Variants in FMN2 observed in about 807,000 individuals in gnomAD.
The protein encoded by FMN2 is formin 2, also known as formin-2.
Under a neutral mutation model 142.3 loss-of-function variants are expected in FMN2, and 51 were observed. The observed-to-expected ratio is 0.36, with a 90% CI of 0.29 to 0.45. The LOEUF is 0.45. Ranked by LOEUF, FMN2 falls within the 20% of genes least tolerant of loss-of-function variation. FMN2 has a pLI of 1.00. For missense variants in FMN2, 1,936 were observed against 2,122.8 expected, an observed-to-expected ratio of 0.91 and a Z score of 1.73; for synonymous variants, 882 against 869.8, an observed-to-expected ratio of 1.01 and a Z score of -0.25.
At chr1:240,427,725 G>A (rs1045449999) in intron 15 of FMN2, among the ~76,000 whole-genome samples, 5 of 151,996 alleles carry the variant, frequency 3.3e-5, no homozygotes, top group African/African-American at 9.7e-5. Context: ...AGTTTCACAC[G>A]ATCCTCTGTC....
At chr1:240,314,501 G>C (rs1460184423) in intron 8 of FMN2, among the ~76,000 whole-genome samples, 1 of 152,164 alleles carries the variant, frequency 6.6e-6, no homozygotes, top group Admixed American at 6.5e-5. Flanking sequence ...TAAAAAGAGA[G>C]AGGAAAGAGG....
chr1:240,226,631 A>T (rs533935239), intron 6 of FMN2, among the ~76,000 whole-genome samples: 1 of 152,214 alleles, frequency 6.6e-6, no homozygotes, highest in Admixed American at 6.5e-5. Context: ...AAAACATAGT[A>T]TAATTACATA....
chr1:240,144,617 C>A, intron 2 of FMN2: 3 of 1,296,750 alleles, frequency 2.3e-6, no homozygotes, highest in Non-Finnish European at 3.4e-6. Context: ...TCAGAACACA[C>A]CCAGGGCACA....
intron 8 of FMN2, among the ~76,000 whole-genome samples, chr1:240,307,852 C>A (rs1403534724): frequency 6.6e-6 from 1 of 152,094 alleles, no homozygotes; most frequent in Non-Finnish European, 1.5e-5. Flanking sequence ...TAATGATATT[C>A]TTCCAACCCA....
chr1:240,115,799 A>G (rs370554874), intron 1 of FMN2, among the ~76,000 whole-genome samples: 2 of 152,222 alleles, frequency 1.3e-5, no homozygotes, highest in Middle Eastern at 3.2e-3. Context: ...TAAGAAAGTA[A>G]AAGAATAAAA....
At chr1:240,240,948 T>A (rs1490017076) in intron 6 of FMN2, among the ~76,000 whole-genome samples, 1 of 152,246 alleles carries the variant, frequency 6.6e-6, no homozygotes, top group Non-Finnish European at 1.5e-5. Flanking sequence ...ATTGTAATGT[T>A]ATTTTAATTT....
At chr1:240,242,091 T>G (rs555335393) in intron 6 of FMN2, among the ~76,000 whole-genome samples, 126 of 152,244 alleles carry the variant, frequency 8.3e-4, no homozygotes, top group African/African-American at 3.0e-3. Context: ...GTGATCCGCC[T>G]GCCTCGGCCT....
chr1:240,183,238 T>C (rs1487005505), intron 3 of FMN2, among the ~76,000 whole-genome samples: 1 of 151,872 alleles, frequency 6.6e-6, no homozygotes, highest in Non-Finnish European at 1.5e-5. Flanking sequence ...TTTGTTCAAA[T>C]GTTTTAACAT....
At position 240,123,339 on chromosome 1, in the gene FMN2, G is replaced by A. The variant is rs766920101; in HGVS notation, c.1776G>A (p.Ser592=). 3.7e-6 allele frequency: 6 copies of A among 1,613,578 alleles called. No homozygotes were observed. In the South Asian group the frequency reaches 6.6e-5, roughly 18 times the overall value. ...AGAATGCCCAGACGAATGCAGCTTC[G>A]TTTGATGTAAGTAGGAGAATTCACT... ...CNQNAQTNAA[S]FDQDQLYTWA... is the part of the protein sequence containing the mutation. The change falls in exon 2 of 18, where the codon TCG becomes TCA. Residue 592 remains serine (S), a synonymous_variant. Coordinates refer to ENST00000319653, the MANE Select transcript of FMN2 (RefSeq NM_020066.5).
At chr1:240,118,688 G>A (rs976095257) in intron 1 of FMN2, among the ~76,000 whole-genome samples, 3 of 152,118 alleles carry the variant, frequency 2.0e-5, no homozygotes, top group African/African-American at 7.2e-5. Flanking sequence ...GTTTTGTGGT[G>A]GAGAAAATGT....
At chr1:240,271,417 A>ATTTTT (rs199805120) in intron 7 of FMN2, among the ~76,000 whole-genome samples, 1 of 139,066 alleles carries the variant, frequency 7.2e-6, no homozygotes, top group Non-Finnish European at 1.6e-5. Context: ...TCAGTGTCTG[A>ATTTTT]TTTTTTTTTT....
At chr1:240,282,763 C>T (rs968453714) in intron 7 of FMN2, among the ~76,000 whole-genome samples, 1 of 152,118 alleles carries the variant, frequency 6.6e-6, no homozygotes, top group African/African-American at 2.4e-5. Context: ...GTAAAATGTT[C>T]CGATGAATAT....
chr1:240,143,433 C>T (rs1382654992), intron 2 of FMN2: 3 of 1,446,308 alleles, frequency 2.1e-6, no homozygotes, highest in African/African-American at 2.8e-5. Flanking sequence ...CAGCCACTCC[C>T]TGATGTGCTC....
At position 240,144,166 on chromosome 1, in the gene FMN2, G is replaced by T. The variant is rs1432862372; in HGVS notation, c.1782+20821G>T. On this transcript the variant is annotated intron_variant, in intron 2 of 17. Coordinates refer to ENST00000319653, the MANE Select transcript of FMN2 (RefSeq NM_020066.5). ...GATGCAGCTGCACTCAACATTCCGTGGTCCTTGTTCTTGTAAAGCCATTTG... is the reference window on the plus strand; with the variant it reads ...GATGCAGCTGCACTCAACATTCCGTTGTCCTTGTTCTTGTAAAGCCATTTG... 3.5e-6 allele frequency: 5 copies of T among 1,413,698 alleles called. No individual in the cohort carries two copies. The Admixed American group carries it at 8.4e-5, about 24-fold the overall frequency. The allele number at this position is 1,413,698 out of a possible 1,614,324, so 87.6% of individuals were successfully genotyped here. A position where few individuals can be genotyped will look rare whatever the true frequency, so the allele number is the denominator to read the frequency against.
rs190706068 is a variant in FMN2, at chr1:240,213,988, A to T, written c.4065+2753A>T. Reference sequence around the variant, plus strand: ...CTGATAGAAATGAAGAATATCTTGTATTTCCAAATCCTTTTTTCTCCAAAG... The same window carrying T: ...CTGATAGAAATGAAGAATATCTTGTTTTTCCAAATCCTTTTTTCTCCAAAG... On this transcript the variant is annotated intron_variant, in intron 6 of 17. Transcript: ENST00000319653. Among the ~76,000 whole-genome samples the T allele has an allele frequency of 2.7e-3, 413 of 152,326 alleles. 3 individuals carry two copies. In the South Asian group the frequency reaches 0.027, roughly 10 times the overall value.
In FMN2 at chr1:240,095,269, A is replaced by G. The variant is rs150445376; in HGVS notation, c.1615+1545A>G. ...GTGAAAATAATTCACCATAATGATT[A>G]TCAATCATTAATATTAATGATAGCT... On this transcript the variant is annotated intron_variant, in intron 1 of 17. Coordinates refer to ENST00000319653, the MANE Select transcript of FMN2 (RefSeq NM_020066.5). 4.4e-3 allele frequency among the ~76,000 whole-genome samples: 672 copies of G among 152,330 alleles called. 7 individuals carry two copies. Among genetic ancestry groups the G allele is most frequent in the Non-Finnish European group, 4.9e-3 (330 of 68,036 alleles).
chr1:240,170,032 C>T, intron 2 of FMN2: 2 of 564,182 alleles, frequency 3.5e-6, no homozygotes, highest in Non-Finnish European at 6.3e-6. Context: ...TTAATTCCCA[C>T]ACAGATGGAC....
At chr1:240,194,457 A>G (rs1388492489) in intron 4 of FMN2, among the ~76,000 whole-genome samples, 1 of 152,226 alleles carries the variant, frequency 6.6e-6, no homozygotes, top group African/African-American at 2.4e-5. Context: ...TGATTTGTAC[A>G]GAGGTGACCA....
In FMN2 at chr1:240,230,980, C is replaced by T. The variant is rs114361311; in HGVS notation, c.4065+19745C>T. ...ATAGAAATTGGCTTTGAGTTGGTCT[C>T]CATCCTTTGAACTGGCAAGGAAAGA... On this transcript the variant is annotated intron_variant, in intron 6 of 17. Coordinates refer to ENST00000319653, the MANE Select transcript of FMN2 (RefSeq NM_020066.5). 2.5e-3 allele frequency among the ~76,000 whole-genome samples: 327 copies of T among 131,790 alleles called. 88 individuals are homozygous for T. Among genetic ancestry groups the T allele is most frequent in the African/African-American group, 0.01 (310 of 30,848 alleles). 86.5% of individuals were successfully genotyped at this position (131,790 alleles called of 152,430 possible).
Sources: gnomAD v4.1 joint callset for allele counts (sites outside exome capture counted in the v4.1 genomes callset) on GRCh38, gnomAD v4.1.1 for gene constraint, MANE v1.5 for transcripts, NCBI Gene and HGNC (gene_info 2026-07-23, HGNC 2026-07-21) for gene names.